The following ROBO1 variants were observed in gnomAD, a reference collection of about 807,000 sequenced individuals.
The protein encoded by ROBO1 is roundabout guidance receptor 1.
In ROBO1, 149 loss-of-function variants were observed where a neutral mutation model predicts 195.9. The ratio of observed to expected loss-of-function variants is 0.76; its 90% CI spans 0.67 to 0.87. The LOEUF (loss-of-function observed/expected upper bound fraction) is 0.87, where lower values mean the gene tolerates loss of function less well. Among genes scored for constraint, ROBO1 ranks in the 40% least tolerant of loss-of-function variants. The pLI, the probability that ROBO1 is intolerant of heterozygous loss-of-function variation, is 0.00. For missense variants in ROBO1, 1,933 were observed against 2,068.3 expected, an observed-to-expected ratio of 0.93 and a Z score of 1.27; for synonymous variants, 816 against 733.2, an observed-to-expected ratio of 1.11 and a Z score of -1.82.
At chr3:79,070,638 A>G (rs2079072650) in intron 3 of ROBO1, among the ~76,000 whole-genome samples, 1 of 151,528 alleles carries the variant, frequency 6.6e-6, no homozygotes, top group African/African-American at 2.4e-5. Flanking sequence ...AGGTTGTTGT[A>G]TTTTTGTTTG....
intron 3 of ROBO1, chr3:79,018,474 G>A (rs753458604): frequency 1.2e-6 from 2 of 1,613,852 alleles, no homozygotes; most frequent in Non-Finnish European, 1.7e-6. Context: ...TCCTCGGGTG[G>A]ATCCTGTATA....
intron 3 of ROBO1, among the ~76,000 whole-genome samples, chr3:79,017,450 AGTGTGTGTGTGTGTGTGTGTGTGT>A (rs60522056): frequency 7.5e-6 from 1 of 133,426 alleles, no homozygotes; most frequent in African/African-American, 2.8e-5. Context: ...TCCGAGGTGC[AGTGTGTGTGTGTGTGTGTGTGTGT>A]GTGTGTGTGT....
intron 2 of ROBO1, among the ~76,000 whole-genome samples, chr3:79,553,064 C>T (rs1159713487): frequency 1.3e-5 from 2 of 151,970 alleles, no homozygotes; most frequent in Non-Finnish European, 2.9e-5. Context: ...TCTTTAGGTA[C>T]AAGCTACTCT....
intron 2 of ROBO1, among the ~76,000 whole-genome samples, chr3:79,574,386 G>T (rs1390035428): frequency 6.6e-6 from 1 of 151,588 alleles, no homozygotes; most frequent in African/African-American, 2.4e-5. Flanking sequence ...AATGACTCTT[G>T]AAATTTTGCT....
At chr3:79,183,433 C>T (rs1014025343) in intron 2 of ROBO1, among the ~76,000 whole-genome samples, 5 of 152,198 alleles carry the variant, frequency 3.3e-5, no homozygotes, top group Non-Finnish European at 5.9e-5. Context: ...ATTTAAGAAA[C>T]TCTCCAGGTT....
At chr3:79,017,450 AGTGTGTGTGTGTGT>A (rs60522056) in intron 3 of ROBO1, among the ~76,000 whole-genome samples, 25 of 133,512 alleles carry the variant, frequency 1.9e-4, no homozygotes, top group South Asian at 1.5e-3. Flanking sequence ...TCCGAGGTGC[AGTGTGTGTGTGTGT>A]GTGTGTGTGT....
intron 2 of ROBO1, among the ~76,000 whole-genome samples, chr3:79,412,874 A>ATTT (rs1167482550): frequency 0.021 from 802 of 38,300 alleles, 193 homozygotes; most frequent in Middle Eastern, 0.04. Context: ...TCATGAGCTG[A>ATTT]TTTTTTTTTT....
intron 2 of ROBO1, among the ~76,000 whole-genome samples, chr3:79,503,846 A>G (rs1940248808): frequency 6.6e-6 from 1 of 152,190 alleles, no homozygotes; most frequent in Non-Finnish European, 1.5e-5. Context: ...CCGTTCAACA[A>G]AGACTCCTTT....
intron 3 of ROBO1, among the ~76,000 whole-genome samples, chr3:78,992,803 T>A (rs896859346): frequency 4.6e-5 from 7 of 152,160 alleles, no homozygotes; most frequent in African/African-American, 1.7e-4. Context: ...AAGACATTCA[T>A]GAAATTCAAG....
intron 2 of ROBO1, among the ~76,000 whole-genome samples, chr3:79,180,702 T>C (rs2081326081): frequency 6.6e-6 from 1 of 152,208 alleles, no homozygotes; most frequent in Non-Finnish European, 1.5e-5. Context: ...AAAGCCATTA[T>C]GATTATAAGT....
chr3:79,359,149 G>A (rs768315413), intron 2 of ROBO1, among the ~76,000 whole-genome samples: 8 of 151,898 alleles, frequency 5.3e-5, no homozygotes, highest in South Asian at 4.1e-4. Flanking sequence ...GGCATAATGA[G>A]TATCTTAAAC....
intron 2 of ROBO1, among the ~76,000 whole-genome samples, chr3:79,428,798 A>G (rs933651000): frequency 2.0e-5 from 3 of 152,142 alleles, no homozygotes; most frequent in Non-Finnish European, 4.4e-5. Context: ...AATTTTAAGA[A>G]ATAAATATTC....
intron 5 of ROBO1, among the ~76,000 whole-genome samples, chr3:78,729,455 G>A (rs1210567803): frequency 6.6e-6 from 1 of 152,198 alleles, no homozygotes; most frequent in Non-Finnish European, 1.5e-5. Flanking sequence ...TTGCTTAGGT[G>A]TAGCTCAAAG....
chr3:78,809,588 C>T (rs936218322), intron 4 of ROBO1, among the ~76,000 whole-genome samples: 3 of 152,152 alleles, frequency 2.0e-5, no homozygotes, highest in Non-Finnish European at 4.4e-5. Context: ...TTGGAACCAA[C>T]ACAAATGCCC....
chr3:79,353,559 C>T (rs1342156724), intron 2 of ROBO1, among the ~76,000 whole-genome samples: 3 of 152,110 alleles, frequency 2.0e-5, no homozygotes, highest in Admixed American at 1.3e-4. Flanking sequence ...ATGGCTTTTA[C>T]TTGTTCAATC....
intron 2 of ROBO1, among the ~76,000 whole-genome samples, chr3:79,555,394 C>G (rs1405459782): frequency 1.3e-5 from 2 of 152,010 alleles, no homozygotes; most frequent in Non-Finnish European, 2.9e-5. Flanking sequence ...TTAGAATAGT[C>G]ATTCTATTTA....
At chr3:79,579,951 G>A (rs750513754) in intron 2 of ROBO1, among the ~76,000 whole-genome samples, 26 of 152,032 alleles carry the variant, frequency 1.7e-4, no homozygotes, top group Non-Finnish European at 3.1e-4. Context: ...GTGATGCTAT[G>A]CTTGTATGCC....
rs557081559 is a variant in ROBO1 at position 79,311,823 on chromosome 3, G to A, written c.89-186284C>T. On this transcript the variant is annotated intron_variant, in intron 2 of 30. Coordinates refer to ENST00000464233, the MANE Select transcript of ROBO1 (RefSeq NM_002941.4). ...TATTTAAATATTGCTATACTCCAGGGCTACATAGCTAGCCAACTGTTATTT... is the reference window on the plus strand; with the variant it reads ...TATTTAAATATTGCTATACTCCAGGACTACATAGCTAGCCAACTGTTATTT... Among the ~76,000 whole-genome samples, 45 of 152,112 alleles carry A rather than the reference G, an allele frequency of 3.0e-4. No homozygotes were observed. The Middle Eastern group carries it at 0.014, about 46-fold the overall frequency.
chr3:79,220,932 A>C (rs2082126881), intron 2 of ROBO1, among the ~76,000 whole-genome samples: 1 of 151,970 alleles, frequency 6.6e-6, no homozygotes, highest in Non-Finnish European at 1.5e-5. Context: ...CAACATTCCT[A>C]GCCTCTATCT....
Sources: allele counts gnomAD v4.1 joint callset (sites outside exome capture counted in the v4.1 genomes callset), GRCh38; gene constraint gnomAD v4.1.1; transcripts MANE v1.5; gene names NCBI Gene and HGNC (gene_info 2026-07-23, HGNC 2026-07-21).